WWOX: variants seen among roughly 807,000 people sequenced by gnomAD.
The protein encoded by WWOX is WW domain containing oxidoreductase, also known as WW domain-containing oxidoreductase.
WWOX carries 69 observed loss-of-function variants against 46.2 expected under a neutral mutation model. The ratio of observed to expected loss-of-function variants is 1.49; its 90% CI spans 1.23 to 1.82. The LOEUF is 1.82. Among genes scored for constraint, WWOX ranks in the 40% most tolerant of loss-of-function variants. WWOX has a pLI of 0.00. For missense variants in WWOX, 919 were observed against 542.6 expected (o/e 1.69, Z -6.89); for synonymous variants, 359 against 202.6 (o/e 1.77, Z -6.56).
chr16:78,833,824 T>G (rs1022987909), intron 8 of WWOX, among the ~76,000 whole-genome samples: 2 of 152,246 alleles, frequency 1.3e-5, no homozygotes, highest in African/African-American at 4.8e-5. Context: ...CACAAGCAAG[T>G]GCAGGCTTCC....
intron 5 of WWOX, among the ~76,000 whole-genome samples, chr16:78,354,312 C>CTTTTTTTTTTTTTTTTTTTTTTTTTTT (rs55635025): frequency 8.1e-6 from 1 of 123,306 alleles, no homozygotes; most frequent in Non-Finnish European, 1.6e-5. Context: ...ATGTGCTTAA[C>CTTTTTTTTTTTTTTTTTTTTTTTTTTT]TTTTTTTTTT....
At chr16:78,180,582 A>G (rs2042353) in intron 5 of WWOX, among the ~76,000 whole-genome samples, 51,563 of 151,490 alleles carry the variant, frequency 0.34, 9,087 homozygotes, top group African/African-American at 0.44. Flanking sequence ...GAGTAGGGGT[A>G]TATGTTAGGG....
In WWOX at chr16:78,344,535, C is replaced by T. The variant is rs1323706867; in HGVS notation, c.517-42325C>T. 8.3e-5 allele frequency among the ~76,000 whole-genome samples: 10 copies of T among 120,808 alleles called. 3 individuals are homozygous for T. Among genetic ancestry groups the T allele is most frequent in the Non-Finnish European group, 2.0e-4 (10 of 50,528 alleles). 79.3% of individuals were successfully genotyped at this position (120,808 alleles called of 152,430 possible). On this transcript the variant is annotated intron_variant, in intron 5 of 8. Coordinates refer to ENST00000566780, the MANE Select transcript of WWOX (RefSeq NM_016373.4). The stretch of plus-strand genomic sequence containing the variant: ...CACAGGAAATGCCATTCACCTTTAC[C>T]ATGAATGGGAATCTTTGCCTGTGAC...
chr16:78,436,533 A>G (rs954937423), intron 8 of WWOX, among the ~76,000 whole-genome samples: 2 of 152,174 alleles, frequency 1.3e-5, no homozygotes. Flanking sequence ...GTATTTATAT[A>G]TTTAAGCGTT....
chr16:78,476,668 C>T (rs62034157), intron 8 of WWOX, among the ~76,000 whole-genome samples: 5,976 of 151,894 alleles, frequency 0.039, 241 homozygotes, highest in African/African-American at 0.096. Flanking sequence ...TTTCAAGACC[C>T]GTCCCCCATG....
chr16:78,691,919 C>T (rs2047998002), intron 8 of WWOX, among the ~76,000 whole-genome samples: 1 of 152,164 alleles, frequency 6.6e-6, no homozygotes, highest in African/African-American at 2.4e-5. Flanking sequence ...CCAGCCTTTC[C>T]CATGCTATTC....
chr16:79,088,427 C>G (rs954650419), intron 8 of WWOX, among the ~76,000 whole-genome samples: 2 of 152,252 alleles, frequency 1.3e-5, no homozygotes, highest in African/African-American at 4.8e-5. Flanking sequence ...GTAGGTCTGG[C>G]CCTGAGCCGT....
intron 8 of WWOX, among the ~76,000 whole-genome samples, chr16:78,727,572 G>T (rs1037375051): frequency 1.3e-5 from 2 of 152,304 alleles, no homozygotes; most frequent in Middle Eastern, 3.4e-3. Context: ...GTTCCAGTCC[G>T]TGGGGGCCCT....
chr16:79,175,677 C>T (rs549866307), intron 8 of WWOX, among the ~76,000 whole-genome samples: 1 of 152,296 alleles, frequency 6.6e-6, no homozygotes, highest in East Asian at 1.9e-4. Context: ...AGGATGTTAG[C>T]ATTAGAGGCA....
chr16:78,966,948 G>A (rs1347506703), intron 8 of WWOX, among the ~76,000 whole-genome samples: 2 of 152,194 alleles, frequency 1.3e-5, no homozygotes, highest in African/African-American at 4.8e-5. Context: ...TACATGGTAA[G>A]GGGTTCGTAA....
intron 8 of WWOX, among the ~76,000 whole-genome samples, chr16:79,162,717 T>C (rs1340708034): frequency 2.0e-5 from 3 of 152,132 alleles, no homozygotes; most frequent in African/African-American, 7.2e-5. Context: ...GAGTCCCCAT[T>C]CAGAGGCTCA....
At chr16:78,909,033 C>G (rs746646156) in intron 8 of WWOX, among the ~76,000 whole-genome samples, 3 of 152,168 alleles carry the variant, frequency 2.0e-5, no homozygotes, top group Non-Finnish European at 4.4e-5. Flanking sequence ...GGGCTGTTAT[C>G]ATCTTTTGTT....
intron 8 of WWOX, among the ~76,000 whole-genome samples, chr16:78,570,794 A>G (rs1251992329): frequency 6.6e-6 from 1 of 152,186 alleles, no homozygotes; most frequent in African/African-American, 2.4e-5. Flanking sequence ...TTTCAGAAAC[A>G]AACAAACATG....
At chr16:78,699,863 A>G (rs2048175765) in intron 8 of WWOX, among the ~76,000 whole-genome samples, 1 of 152,102 alleles carries the variant, frequency 6.6e-6, no homozygotes, top group Non-Finnish European at 1.5e-5. Flanking sequence ...TTGTAGCTGC[A>G]TCTTCTAAGA....
At chr16:78,248,773 G>A (rs111419185) in intron 5 of WWOX, among the ~76,000 whole-genome samples, 362 of 151,936 alleles carry the variant, frequency 2.4e-3, no homozygotes, top group Non-Finnish European at 3.8e-3. Context: ...AAATTTGGTG[G>A]GGACACAGAT....
At chr16:79,192,461 C>T (rs1260069749) in intron 8 of WWOX, among the ~76,000 whole-genome samples, 1 of 152,164 alleles carries the variant, frequency 6.6e-6, no homozygotes, top group African/African-American at 2.4e-5. Flanking sequence ...AGCTTATTGC[C>T]TGCTGCACAT....
intron 5 of WWOX, among the ~76,000 whole-genome samples, chr16:78,205,624 A>G (rs535593998): frequency 1.3e-5 from 2 of 150,964 alleles, no homozygotes; most frequent in African/African-American, 4.9e-5. Flanking sequence ...TGCCTTTCCA[A>G]TTATCCACCC....
chr16:78,361,951 C>G, intron 5 of WWOX, among the ~76,000 whole-genome samples: 1 of 145,762 alleles, frequency 6.9e-6, no homozygotes, highest in South Asian at 2.2e-4. Context: ...TTTATATTAG[C>G]GTAGATTCAC....
chr16:78,700,372 T>G, intron 8 of WWOX, among the ~76,000 whole-genome samples: 1 of 149,664 alleles, frequency 6.7e-6, no homozygotes, highest in South Asian at 2.1e-4. Context: ...CCATCTCTCT[T>G]GTGTGTCTTT....
Sources: allele counts gnomAD v4.1 joint callset (sites outside exome capture counted in the v4.1 genomes callset), GRCh38; gene constraint gnomAD v4.1.1; transcripts MANE v1.5; gene names NCBI Gene and HGNC (gene_info 2026-07-23, HGNC 2026-07-21).